SCAF11: variants seen among roughly 807,000 people sequenced by gnomAD.
SCAF11 encodes the protein SR-related CTD associated factor 11.
A neutral mutation model predicts 140.5 loss-of-function variants in SCAF11; 47 were observed. The ratio of observed to expected loss-of-function variants is 0.33; its 90% CI spans 0.26 to 0.43. SCAF11 has a LOEUF of 0.43. Ranked by LOEUF, SCAF11 falls within the 20% of genes least tolerant of loss-of-function variation. SCAF11 has a pLI of 1.00. For synonymous variants in SCAF11, 557 were observed against 579.4 expected (o/e 0.96, Z 0.55); for missense variants, 1,645 against 1,705.1 (o/e 0.96, Z 0.62).
intron 3 of SCAF11, chr12:45,961,277 C>T (rs1423382777): frequency 2.8e-6 from 2 of 714,542 alleles, no homozygotes; most frequent in Non-Finnish European, 2.6e-6. Flanking sequence ...GGTTATTCCA[C>T]AAGGCTGATA....
rs768279773 is a variant in SCAF11 at position 45,927,772 on chromosome 12, T to C, written c.1929A>G (p.Val643=). 6.2e-7 allele frequency: 1 copy of C among 1,613,316 alleles called. No homozygotes were observed. Among genetic ancestry groups the C allele is most frequent in the South Asian group, 1.1e-5 (1 of 90,958 alleles). Residue 643 remains valine, a synonymous_variant, in exon 11 of 15, where the codon GTA becomes GTG. Coordinates refer to ENST00000369367, the MANE Select transcript of SCAF11 (RefSeq NM_004719.3). ...AAGTATCACATGTTGCAATTATTTC[T>C]ACATCTTCAGTTTCAACATGCCCAA... The part of the protein sequence containing the change: ...QLLGHVETED[V]EIIATCDTFG...
At chr12:45,991,842 C>A, upstream of SCAF11, 1 of 1,241,062 alleles carries the variant, frequency 8.1e-7, no homozygotes, top group Admixed American at 2.6e-5. Context: ...GTCCTGCTTG[C>A]GGCTCCCGCA....
intron 1 of SCAF11, among the ~76,000 whole-genome samples, chr12:45,981,641 T>G (rs1175641663): frequency 6.6e-6 from 1 of 152,088 alleles, no homozygotes; most frequent in Non-Finnish European, 1.5e-5. Context: ...AACAAAAATT[T>G]AAAAAATTAG....
At chr12:45,943,003 C>G (rs1426915274) in intron 6 of SCAF11, among the ~76,000 whole-genome samples, 21 of 152,162 alleles carry the variant, frequency 1.4e-4, no homozygotes, top group Non-Finnish European at 1.5e-5. Context: ...CGAGTATGAA[C>G]ATCTAATACT....
At position 45,926,622 on chromosome 12, in the gene SCAF11, T is replaced by C. The variant is rs779163541; in HGVS notation, c.3079A>G (p.Lys1027Glu). The change falls in exon 11 of 15, where the codon AAA becomes GAA. Residue 1027 changes from lysine (K) to glutamate (E), a missense_variant. Around this residue, in one of 2 missense-constraint regions of SCAF11, gnomAD observed 1,582 missense variants for 1,609.2 expected, o/e 0.98. Coordinates refer to ENST00000369367, the MANE Select transcript of SCAF11 (RefSeq NM_004719.3). ...RNDCPNWITEKINSGPDPRTR... is the reference protein window; with the variant it reads ...RNDCPNWITEEINSGPDPRTR... ...CTTGGATCAGGCCCAGAGTTTATTTTTTCTGTTATCCAATTGGGACAGTCA... is the reference window on the plus strand; with the variant it reads ...CTTGGATCAGGCCCAGAGTTTATTTCTTCTGTTATCCAATTGGGACAGTCA... The C allele has an allele frequency of 1.2e-6, 2 of 1,614,096 alleles. No individual in the cohort carries two copies. The highest frequency in any genetic ancestry group is 2.2e-5 in the South Asian group (2 of 91,080).
chr12:45,926,807 C>T lies in SCAF11; in HGVS notation c.2894G>A (p.Arg965Gln), dbSNP rs773997998. Residue 965 changes from arginine (R) to glutamine (Q), a missense_variant, in exon 11 of 15, where the codon CGG becomes CAG. Physicochemically the swap from Arg to Gln is conservative, Grantham distance 43 (BLOSUM62 1). This residue lies in a region of SCAF11 where 1,582 missense variants were observed against 1,609.2 expected (regional missense o/e 0.98). Coordinates refer to ENST00000369367, the MANE Select transcript of SCAF11 (RefSeq NM_004719.3). ...GRIDRDSYSPRWKGRWANDGW... is the reference protein window; with the variant it reads ...GRIDRDSYSPQWKGRWANDGW... The stretch of plus-strand genomic sequence containing the variant: ...ATCATTTGCCCATCTTCCCTTCCAC[C>T]GGGGAGAGTAACTATCTCTGTCAAT... 5.6e-6 allele frequency: 9 copies of T among 1,614,008 alleles called. No individual in the cohort carries two copies. Among genetic ancestry groups the T allele is most frequent in the African/African-American group, 1.3e-5 (1 of 74,908 alleles).
At position 45,922,974 on chromosome 12, in the gene SCAF11, C is replaced by A. The variant is rs932048382; in HGVS notation, c.4087G>T (p.Ala1363Ser). The A allele has an allele frequency of 5.6e-6, 9 of 1,614,064 alleles. No individual in the cohort carries two copies. In the African/African-American group the frequency reaches 1.2e-4, roughly 22 times the overall value. ...GAGCTATCTGCGCTGGCTTCCACTG[C>A]AACACTTACTTTGCTTTCTGCCAAT... ...VKLAESKVSV[A>S]VEASADSSKT... The change falls in exon 13 of 15, where the codon GCA (alanine) becomes TCA (serine). Residue 1363 changes from alanine to serine, a missense_variant. Physicochemically the swap from Ala to Ser is moderately conservative, Grantham distance 99. Transcript: ENST00000369367.
intron 1 of SCAF11, among the ~76,000 whole-genome samples, chr12:45,989,014 G>T (rs765890991): frequency 6.6e-6 from 1 of 152,028 alleles, no homozygotes; most frequent in Admixed American, 6.5e-5. Context: ...AAAACAAAAG[G>T]CCCATGAACT....
At chr12:45,989,824 A>G (rs1039121069) in intron 1 of SCAF11, among the ~76,000 whole-genome samples, 14 of 149,640 alleles carry the variant, frequency 9.4e-5, no homozygotes, top group Non-Finnish European at 4.4e-5. Flanking sequence ...ACGGCGTAGT[A>G]AAGTTTGGTT....
Position 45,990,549 on chromosome 12 carries a change from C to G in SCAF11, c.-218G>C, listed in dbSNP as rs1445933906. ...AGGGAGCGACCCAGGTTGCGCTGCT[C>G]CGCGCGGCTTAAGCCACCGCTACTC... On this transcript the variant is annotated 5_prime_UTR_variant, in exon 1 of 15. Coordinates refer to ENST00000369367, the MANE Select transcript of SCAF11 (RefSeq NM_004719.3). 1.1e-5 allele frequency: 13 copies of G among 1,231,618 alleles called. No individual in the cohort carries two copies. The Admixed American group carries it at 1.3e-4, about 12-fold the overall frequency. The allele number at this position is 1,231,618 out of a possible 1,614,324, so 76.3% of individuals were successfully genotyped here. A position where few individuals can be genotyped will look rare whatever the true frequency, so the allele number is the denominator to read the frequency against.
rs370729762 is a variant in SCAF11, at chr12:45,961,726, T to C, written c.193A>G (p.Met65Val). Residue 65 changes from methionine to valine, a missense_variant, in exon 3 of 15, where the codon ATG becomes GTG. Around this residue, in one of 2 missense-constraint regions of SCAF11, gnomAD observed 1,582 missense variants for 1,609.2 expected, o/e 0.98. Coordinates refer to ENST00000369367, the MANE Select transcript of SCAF11 (RefSeq NM_004719.3). ...TCTGCCCATTTAAGAATACAAGTCA[T>C]ACAGAAGACATGATTACAGCTTTCT... ...FPESCNHVFC[M>V]TCILKWAETL... 1.7e-4 allele frequency: 269 copies of C among 1,612,576 alleles called. No homozygotes were observed. Among genetic ancestry groups the C allele is most frequent in the Non-Finnish European group, 2.2e-4 (258 of 1,179,284 alleles).
chr12:45,985,637 C>T (rs77797790), intron 1 of SCAF11, among the ~76,000 whole-genome samples: 2,622 of 152,194 alleles, frequency 0.017, 30 homozygotes, highest in Middle Eastern at 0.034. Context: ...GCAAGGCTAC[C>T]GAAAAGATCA....
At chr12:45,933,422 T>C (rs1328262381) in intron 8 of SCAF11, among the ~76,000 whole-genome samples, 190 bp from the exon 9 acceptor site, 1 of 152,158 alleles carries the variant, frequency 6.6e-6, no homozygotes, top group Non-Finnish European at 1.5e-5. Context: ...AATTTTTATA[T>C]TGCAAATCAG....
chr12:45,961,881 GTGC>G (rs1945842549), intron 2 of SCAF11, 24 bp from the exon 3 acceptor site: 1 of 1,566,410 alleles, frequency 6.4e-7, no homozygotes, highest in African/African-American at 1.4e-5. Context: ...ACAGCCATAT[GTGC>G]TTTCAAGTTC....
chr12:45,958,366 T>C (rs1047017985), intron 3 of SCAF11, among the ~76,000 whole-genome samples: 1 of 152,220 alleles, frequency 6.6e-6, no homozygotes, highest in African/African-American at 2.4e-5. Flanking sequence ...TATCAATAAG[T>C]ATATATTGTT....
rs181564886 is a variant in SCAF11 at position 45,950,730 on chromosome 12, C to T, written c.297+920G>A. Among the ~76,000 whole-genome samples, 6 of 152,260 alleles carry T rather than the reference C, an allele frequency of 3.9e-5. No homozygotes were observed. The East Asian group carries it at 1.2e-3, about 29-fold the overall frequency. ...CCTGTTTGTACCTTGCATCAAGATT[C>T]ATCTGGTAAAAATATATCAAAACAA... On this transcript the variant is annotated intron_variant, in intron 4 of 14. Coordinates refer to ENST00000369367, the MANE Select transcript of SCAF11 (RefSeq NM_004719.3).
rs758108786 is a variant in SCAF11 at position 45,928,087 on chromosome 12, C to A, written c.1614G>T (p.Lys538Asn). 2 of 1,613,826 alleles carry A rather than the reference C, an allele frequency of 1.2e-6. No individual in the cohort carries two copies. The change falls in exon 11 of 15, where the codon AAG (lysine) becomes AAT (asparagine). Residue 538 changes from lysine (K) to asparagine (N), a missense_variant. Lys to Asn is a moderately conservative substitution (Grantham distance 94). This residue lies in a region of SCAF11 where 1,582 missense variants were observed against 1,609.2 expected (regional missense o/e 0.98). Transcript: ENST00000369367. Reference sequence around the variant, plus strand: ...GAAGATGAACTGTACATACATCTGTCTTTACCTCTGATTGTGAAAGTCCAG... The same window carrying A: ...GAAGATGAACTGTACATACATCTGTATTTACCTCTGATTGTGAAAGTCCAG... ...QISGLSQSEV[K>N]TDVCTVHLPN...
intron 1 of SCAF11, among the ~76,000 whole-genome samples, chr12:45,985,422 AT>A (rs1946440653): frequency 6.6e-6 from 1 of 152,116 alleles, no homozygotes; most frequent in South Asian, 2.1e-4. Flanking sequence ...TAGATACCCC[AT>A]ACTGAAGATT....
intron 3 of SCAF11, among the ~76,000 whole-genome samples, chr12:45,956,355 G>C (rs756407105): frequency 6.6e-6 from 1 of 152,138 alleles, no homozygotes; most frequent in Non-Finnish European, 1.5e-5. Flanking sequence ...ATCAAATAAA[G>C]ATGACTTAGA....
Sources: allele counts gnomAD v4.1 joint callset (sites outside exome capture counted in the v4.1 genomes callset), GRCh38; gene constraint gnomAD v4.1.1; regional missense constraint gnomAD v4.1.1; transcripts MANE v1.5; gene names NCBI Gene and HGNC (gene_info 2026-07-23, HGNC 2026-07-21).